Variants in ARFGEF1 observed in about 807,000 individuals in gnomAD.
ARFGEF1 encodes brefeldin A-inhibited guanine nucleotide-exchange protein 1.
Under a neutral mutation model 231.0 loss-of-function variants are expected in ARFGEF1, and 42 were observed. The observed-to-expected ratio is 0.18, with a 90% CI of 0.14 to 0.24. The LOEUF is 0.24. Among genes scored for constraint, ARFGEF1 ranks in the 10% least tolerant of loss-of-function variants. The probability of loss-of-function intolerance (pLI) is 1.00; values close to 1 mark genes in which losing one functional copy is unlikely to be tolerated. For missense variants in ARFGEF1, 1,345 were observed against 2,192.0 expected (o/e 0.61, Z 7.72); for synonymous variants, 710 against 732.3 (o/e 0.97, Z 0.49).
Position 67,175,581 on chromosome 8 carries a change from C to A in ARFGEF1, c.561-9G>T, listed in dbSNP as rs1334452463. 7 of 907,974 alleles carry A rather than the reference C, an allele frequency of 7.7e-6. No homozygotes were observed. The Admixed American group carries it at 7.9e-5, about 10-fold the overall frequency. 56.2% of individuals were successfully genotyped at this position (907,974 alleles called of 1,614,324 possible). ...CACAGGGTCCGTTTGGTCTGTAGTA[C>A]CAGAAAAGAACAAGTATGAGAGAGA... On this transcript the variant is annotated splice_polypyrimidine_tract_variant and intron_variant, in intron 5 of 5. Transcript: ENST00000518789.
At chr8:67,206,921 A>C (rs944447466) in intron 34 of ARFGEF1, among the ~76,000 whole-genome samples, 13 of 152,226 alleles carry the variant, frequency 8.5e-5, no homozygotes, top group Non-Finnish European at 1.8e-4. Flanking sequence ...TAATGTGTGG[A>C]AGACAAATTC....
chr8:67,193,142 A>G (rs1484193224), downstream of ARFGEF1, among the ~76,000 whole-genome samples: 1 of 151,738 alleles, frequency 6.6e-6, no homozygotes, highest in Non-Finnish European at 1.5e-5. Context: ...TTTTTTTGAG[A>G]TAGAGTCTCT....
At position 67,228,306 on chromosome 8, in the gene ARFGEF1, T is replaced by C. The variant is rs878947361; in HGVS notation, c.3381-42A>G. 3.2e-6 allele frequency: 5 copies of C among 1,563,920 alleles called. No homozygotes were observed. The South Asian group carries it at 5.7e-5, about 18-fold the overall frequency. ...ACAATTTAAAAAATTTATAAGTTAC[T>C]GTTCTTATTCCAATTGAAAAGTATG... On this transcript the variant is annotated intron_variant, in intron 23 of 38. Coordinates refer to ENST00000262215, the MANE Select transcript of ARFGEF1 (RefSeq NM_006421.5).
At chr8:67,208,118 A>G (rs1001101157) in intron 34 of ARFGEF1, among the ~76,000 whole-genome samples, 1 of 152,186 alleles carries the variant, frequency 6.6e-6, no homozygotes, top group Non-Finnish European at 1.5e-5. Context: ...GGATTCCTAC[A>G]TGAACCATTC....
chr8:67,179,020 T>G (rs1832353714), intron 5 of ARFGEF1, among the ~76,000 whole-genome samples: 1 of 152,212 alleles, frequency 6.6e-6, no homozygotes, highest in South Asian at 2.1e-4. Context: ...GATTAAAGAA[T>G]GCAGTGCATC....
At chr8:67,203,562 CCCT>C (rs915222102) in intron 35 of ARFGEF1, among the ~76,000 whole-genome samples, 122 of 152,252 alleles carry the variant, frequency 8.0e-4, no homozygotes, top group African/African-American at 2.9e-3. Context: ...CTTTCACAAC[CCCT>C]CCTCTTCTTT....
At chr8:67,331,064 TA>T (rs910898239) in intron 1 of ARFGEF1, among the ~76,000 whole-genome samples, 3 of 151,298 alleles carry the variant, frequency 2.0e-5, no homozygotes, top group Admixed American at 6.6e-5. Context: ...GTAATATTAT[TA>T]AAAAAAAATT....
chr8:67,249,951 T>C (rs2128884030), intron 19 of ARFGEF1, among the ~76,000 whole-genome samples: 1 of 152,300 alleles, frequency 6.6e-6, no homozygotes, highest in African/African-American at 2.4e-5. Context: ...TGGAAACTAC[T>C]CAGGCAAAGA....
chr8:67,190,532 TTGAG>T, intron 5 of ARFGEF1: 2 of 716,424 alleles, frequency 2.8e-6, no homozygotes, highest in Non-Finnish European at 5.1e-6. Flanking sequence ...TGTACATACA[TTGAG>T]TGTGTTTCAT....
rs149370733 is a variant in ARFGEF1 at position 67,257,141 on chromosome 8, C to T, written c.2526+591G>A. 2.7e-3 allele frequency among the ~76,000 whole-genome samples: 410 copies of T among 152,100 alleles called. 2 individuals are homozygous for T. Among genetic ancestry groups the T allele is most frequent in the African/African-American group, 9.5e-3 (396 of 41,490 alleles). On this transcript the variant is annotated intron_variant, in intron 17 of 38. Coordinates refer to ENST00000262215, the MANE Select transcript of ARFGEF1 (RefSeq NM_006421.5). ...TCACCCAGGATGGAGTGCAGTGACA[C>T]GATCTCAGCTCACTGTATGACTTGT...
At chr8:67,209,776 G>C (rs1010205286) in intron 34 of ARFGEF1, among the ~76,000 whole-genome samples, 1 of 152,142 alleles carries the variant, frequency 6.6e-6, no homozygotes, top group South Asian at 2.1e-4. Context: ...ATGGAGACAG[G>C]GGTGTGGGCA....
At chr8:67,319,708 C>T (rs982763401) in intron 1 of ARFGEF1, among the ~76,000 whole-genome samples, 1 of 151,964 alleles carries the variant, frequency 6.6e-6, no homozygotes, top group African/African-American at 2.4e-5. Flanking sequence ...ATGGATTTAT[C>T]AAGATTAAAA....
intron 22 of ARFGEF1, among the ~76,000 whole-genome samples, chr8:67,234,352 C>T (rs1839647153): frequency 1.3e-5 from 2 of 152,066 alleles, no homozygotes; most frequent in South Asian, 4.1e-4. Flanking sequence ...TAAAAGTTTG[C>T]TAAATAGAAC....
In ARFGEF1 at chr8:67,343,459, G is replaced by A; in HGVS notation, c.-172C>T. ...AAGGGGCGGGCGAGCGGGACCAGCC[G>A]CGGTGTCGGCGAAGGGCGTCGAGGT... is the stretch of plus-strand genomic sequence containing the variant. On this transcript the variant is annotated 5_prime_UTR_variant, in exon 1 of 39. Transcript: ENST00000262215. 7 of 1,347,680 alleles carry A rather than the reference G, an allele frequency of 5.2e-6. No homozygotes were observed. Among genetic ancestry groups the A allele is most frequent in the South Asian group, 1.9e-5 (1 of 53,634 alleles). 83.5% of individuals were successfully genotyped at this position (1,347,680 alleles called of 1,614,324 possible).
intron 5 of ARFGEF1, among the ~76,000 whole-genome samples, chr8:67,184,421 A>G (rs1480753948): frequency 6.6e-6 from 1 of 152,192 alleles, no homozygotes. Context: ...AAAAGAGAAG[A>G]CACAAATTAC....
chr8:67,211,217 A>G (rs1174263644), intron 34 of ARFGEF1, among the ~76,000 whole-genome samples: 1 of 151,516 alleles, frequency 6.6e-6, no homozygotes, highest in East Asian at 1.9e-4. Flanking sequence ...GGTGGTACAC[A>G]CTTGTAGTCC....
chr8:67,185,238 C>T (rs909870654), intron 5 of ARFGEF1, among the ~76,000 whole-genome samples: 2 of 152,224 alleles, frequency 1.3e-5, no homozygotes, highest in East Asian at 1.9e-4. Context: ...TTCTTTCCCA[C>T]CTAAGTGCAT....
In ARFGEF1 at chr8:67,211,568, T is replaced by C. The variant is rs767253664; in HGVS notation, c.4734A>G (p.Pro1578=). 6.4e-7 allele frequency: 1 copy of C among 1,569,212 alleles called. No homozygotes were observed. The highest frequency in any genetic ancestry group is 8.7e-7 in the Non-Finnish European group (1 of 1,155,544). Residue 1578 remains proline (P), a synonymous_variant, in exon 34 of 39, where the codon CCA becomes CCG. Transcript: ENST00000262215. Reference sequence around the variant, plus strand: ...CTTGTGGTCTGTTATCCACAGACCTTGGTTGAATAGAATCATGAATATCTA... The same window carrying C: ...CTTGTGGTCTGTTATCCACAGACCTCGGTTGAATAGAATCATGAATATCTA... ...KSVDIHDSIQ[P]RSVDNRPQAP...
At chr8:67,274,407 A>G (rs954416624) in intron 9 of ARFGEF1, among the ~76,000 whole-genome samples, 2 of 152,068 alleles carry the variant, frequency 1.3e-5, no homozygotes, top group Non-Finnish European at 2.9e-5. Context: ...TCAGTATTCA[A>G]TTCCATTGTT....
Sources: allele counts gnomAD v4.1 joint callset (sites outside exome capture counted in the v4.1 genomes callset), GRCh38; gene constraint gnomAD v4.1.1; transcripts MANE v1.5; gene names NCBI Gene and HGNC (gene_info 2026-07-23, HGNC 2026-07-21).